Variants in SYNE2 observed in about 807,000 individuals in gnomAD.
The protein encoded by SYNE2 is nesprin-2.
SYNE2 carries 431 observed loss-of-function variants against 856.3 expected under a neutral mutation model. The observed-to-expected ratio is 0.50, with a 90% CI of 0.47 to 0.55. The LOEUF is 0.55. Ranked by LOEUF, SYNE2 falls within the 20% of genes least tolerant of loss-of-function variation. The pLI is 0.00. For synonymous variants in SYNE2, 2,923 were observed against 2,872.3 expected (o/e 1.02, Z -0.56); for missense variants, 8,129 against 8,023.2 (o/e 1.01, Z -0.50).
intron 51 of SYNE2, 73 bp from the exon 52 acceptor site, chr14:64,070,572 T>C: frequency 7.4e-7 from 1 of 1,344,804 alleles, no homozygotes; most frequent in South Asian, 1.3e-5. Flanking sequence ...CATACAAAAA[T>C]TATGTCTACT....
At chr14:64,127,420 TAAAAAAA>T (rs1218984655) in intron 73 of SYNE2, among the ~76,000 whole-genome samples, 1 of 151,738 alleles carries the variant, frequency 6.6e-6, no homozygotes, top group Non-Finnish European at 1.5e-5. Flanking sequence ...AAGAAAAAAG[TAAAAAAA>T]TAAAAAATAA....
chr14:64,100,584 T>A, intron 63 of SYNE2, among the ~76,000 whole-genome samples: 1 of 137,562 alleles, frequency 7.3e-6, no homozygotes, highest in Non-Finnish European at 1.6e-5. Flanking sequence ...ATGACATGTA[T>A]GATGTTTTGA....
chr14:64,141,957 T>C lies in SYNE2; in HGVS notation c.15175T>C (p.Leu5059=), dbSNP rs757466873. The C allele has an allele frequency of 5.6e-6, 9 of 1,613,936 alleles. No individual in the cohort carries two copies. The highest frequency in any genetic ancestry group is 1.6e-4 in the Middle Eastern group (1 of 6,084). ...EKLHQLQMEK[L]PSRKAITEMI... ...GTTCTTACAGCTTCAAATGGAGAAA[T>C]TGCCGTCTCGTAAAGCAATCACAGA... is the stretch of plus-strand genomic sequence containing the variant. Residue 5059 remains leucine, a synonymous_variant, in exon 82 of 116, where the codon TTG becomes CTG. Transcript: ENST00000555002.
chr14:63,815,205 C>CATATATATATGG (rs1316734811), intron 1 of SYNE2, among the ~76,000 whole-genome samples: 2 of 94,610 alleles, frequency 2.1e-5, no homozygotes, highest in South Asian at 3.6e-4. Context: ...TATATATATC[C>CATATATATATGG]ATATATATAT....
chr14:63,948,748 G>GTATA (rs1159234815), intron 6 of SYNE2, among the ~76,000 whole-genome samples: 1 of 121,602 alleles, frequency 8.2e-6, no homozygotes, highest in African/African-American at 3.1e-5. Context: ...AGATATGTGT[G>GTATA]TGTATATATA....
At position 64,221,592 on chromosome 14, in the gene SYNE2, G is replaced by C; in HGVS notation, c.20078G>C (p.Ser6693Thr). The C allele has an allele frequency of 1.9e-6, 3 of 1,614,176 alleles. No individual in the cohort carries two copies. Among genetic ancestry groups the C allele is most frequent in the Non-Finnish European group, 2.5e-6 (3 of 1,180,034 alleles). ...LMQCQDFHQLSQNLLLWLASA... is the reference protein window; with the variant it reads ...LMQCQDFHQLTQNLLLWLASA... ...TTTTTTAAGGACTTCCACCAGTTGAGTCAAAATCTGCTGCTGTGGTTAGCG... is the reference window on the plus strand; with the variant it reads ...TTTTTTAAGGACTTCCACCAGTTGACTCAAAATCTGCTGCTGTGGTTAGCG... The change falls in exon 112 of 116, where the codon AGT (serine) becomes ACT (threonine). Residue 6693 changes from serine (S) to threonine (T), a missense_variant. Coordinates refer to ENST00000555002, the MANE Select transcript of SYNE2 (RefSeq NM_182914.3).
At chr14:63,770,127 C>G (rs1191838376) in intron 1 of SYNE2, among the ~76,000 whole-genome samples, 1 of 151,682 alleles carries the variant, frequency 6.6e-6, no homozygotes, top group African/African-American at 2.4e-5. Flanking sequence ...ATCATGTTGC[C>G]CAGGCTTATG....
intron 1 of SYNE2, among the ~76,000 whole-genome samples, chr14:63,786,576 T>C (rs1887535376): frequency 6.6e-6 from 1 of 152,222 alleles, no homozygotes; most frequent in Non-Finnish European, 1.5e-5. Flanking sequence ...TTTTGTAAAC[T>C]ATCTGTTGGT....
At chr14:64,100,528 AAAAATATATATATAT>A (rs1313900425) in intron 63 of SYNE2, among the ~76,000 whole-genome samples, 1,310 of 74,412 alleles carry the variant, frequency 0.018, 61 homozygotes, top group South Asian at 0.024. Flanking sequence ...AAAAAAAAAA[AAAAATATATATATAT>A]ATATATATAT....
intron 52 of SYNE2, among the ~76,000 whole-genome samples, 175 bp from the exon 53 acceptor site, chr14:64,073,793 C>T (rs558551798): frequency 6.6e-6 from 1 of 152,246 alleles, no homozygotes; most frequent in East Asian, 1.9e-4. Flanking sequence ...GATTTTGTAC[C>T]TGTTTTTATA....
At chr14:63,845,799 G>C (rs1890208177) in intron 1 of SYNE2, among the ~76,000 whole-genome samples, 1 of 146,506 alleles carries the variant, frequency 6.8e-6, no homozygotes, top group East Asian at 2.0e-4. Context: ...GCAGTGCAGT[G>C]GTTTGATCTC....
chr14:64,165,093 C>G (rs1393457129), intron 89 of SYNE2, among the ~76,000 whole-genome samples, 192 bp from the exon 90 acceptor site: 3 of 151,708 alleles, frequency 2.0e-5, no homozygotes, highest in Non-Finnish European at 4.4e-5. Context: ...GCCTATGTTG[C>G]TCAGGCTGGT....
chr14:63,810,557 A>G (rs1294561111), intron 1 of SYNE2, among the ~76,000 whole-genome samples: 1 of 152,186 alleles, frequency 6.6e-6, no homozygotes, highest in Non-Finnish European at 1.5e-5. Context: ...AGCACTAATG[A>G]AGAAACTGAT....
intron 1 of SYNE2, among the ~76,000 whole-genome samples, chr14:63,865,426 C>A: frequency 6.6e-6 from 1 of 151,028 alleles, no homozygotes; most frequent in East Asian, 1.9e-4. Context: ...GCCATTTGAG[C>A]TGAGGGTGTA....
At chr14:64,224,866 C>G in intron 114 of SYNE2, 133 bp from the exon 115 acceptor site, 1 of 828,706 alleles carries the variant, frequency 1.2e-6, no homozygotes, top group Non-Finnish European at 2.0e-6. Context: ...AATTGTATTA[C>G]TCTAGTCTCC....
At position 63,949,890 on chromosome 14, in the gene SYNE2, G is replaced by T. The variant is rs146337424; in HGVS notation, c.474G>T (p.Val158=). The change falls in exon 7 of 116, where the codon GTG becomes GTT. Residue 158 remains valine, a synonymous_variant. Transcript: ENST00000555002. The stretch of plus-strand genomic sequence containing the variant: ...AGCCTTCCCTGGATGATGTGAGTGT[G>T]GTTGACTCATCTCCTGCCTCAAGTC... The part of the protein sequence containing the change: ...YNQPSLDDVS[V]VDSSPASSPP... 6.2e-7 allele frequency: 1 copy of T among 1,614,090 alleles called. No individual in the cohort carries two copies. Among genetic ancestry groups the T allele is most frequent in the Non-Finnish European group, 8.5e-7 (1 of 1,180,026 alleles).
intron 21 of SYNE2, among the ~76,000 whole-genome samples, chr14:63,993,451 G>A (rs913805167): frequency 1.3e-5 from 2 of 152,200 alleles, no homozygotes; most frequent in African/African-American, 4.8e-5. Context: ...CTGAAGTATG[G>A]TTGTCTGCTC....
At chr14:63,900,470 C>G (rs1365778494) in intron 1 of SYNE2, among the ~76,000 whole-genome samples, 1 of 152,096 alleles carries the variant, frequency 6.6e-6, no homozygotes, top group Non-Finnish European at 1.5e-5. Context: ...CCAATAGTAA[C>G]CATCAGATCT....
chr14:63,888,927 C>T (rs936311991), intron 1 of SYNE2, among the ~76,000 whole-genome samples: 1 of 151,832 alleles, frequency 6.6e-6, no homozygotes, highest in Non-Finnish European at 1.5e-5. Flanking sequence ...GTAGGCCGGG[C>T]GCGGTGGCAC....
Sources: allele counts gnomAD v4.1 joint callset (sites outside exome capture counted in the v4.1 genomes callset), GRCh38; gene constraint gnomAD v4.1.1; transcripts MANE v1.5; gene names NCBI Gene and HGNC (gene_info 2026-07-23, HGNC 2026-07-21).